The following SOS2 variants were observed in gnomAD, a reference collection of about 807,000 sequenced individuals.
The protein encoded by SOS2 is SOS Ras/Rho guanine nucleotide exchange factor 2.
A neutral mutation model predicts 148.2 loss-of-function variants in SOS2; 65 were observed. The ratio of observed to expected loss-of-function variants is 0.44; its 90% CI spans 0.36 to 0.54. The LOEUF (loss-of-function observed/expected upper bound fraction) is 0.54. Among genes scored for constraint, SOS2 ranks in the 20% least tolerant of loss-of-function variants. SOS2 has a pLI of 0.00. For missense variants in SOS2, 1,341 were observed against 1,590.2 expected, an observed-to-expected ratio of 0.84 and a Z score of 2.67; for synonymous variants, 539 against 537.1, an observed-to-expected ratio of 1.00 and a Z score of -0.05.
chr14:50,200,739 T>C (rs1330580037), intron 3 of SOS2, among the ~76,000 whole-genome samples: 1 of 152,132 alleles, frequency 6.6e-6, no homozygotes, highest in Non-Finnish European at 1.5e-5. Context: ...TATTAATAAT[T>C]TTTAATATTG....
Position 50,118,508 on chromosome 14 carries a change from A to G in SOS2, c.3835T>C (p.Ser1279Pro). ...RVPRRCYVLS[S>P]SQNNLAHPPA... ...GGATGAGCAAGATTATTCTGACTAGAACTGAGCACATAGCATCGACGCGGT... is the reference window on the plus strand; with the variant it reads ...GGATGAGCAAGATTATTCTGACTAGGACTGAGCACATAGCATCGACGCGGT... The change falls in exon 23 of 23, where the codon TCT (serine) becomes CCT (proline). Residue 1279 changes from serine (S) to proline (P), a missense_variant. Ser to Pro is a moderately conservative substitution (Grantham distance 74). Coordinates refer to ENST00000216373, the MANE Select transcript of SOS2 (RefSeq NM_006939.4). 3.1e-6 allele frequency: 5 copies of G among 1,614,142 alleles called. No individual in the cohort carries two copies. The highest frequency in any genetic ancestry group is 4.2e-6 in the Non-Finnish European group (5 of 1,180,024).
intron 9 of SOS2, 22 bp downstream of exon 9, chr14:50,161,460 G>A (rs780726396): frequency 1.1e-5 from 17 of 1,602,084 alleles, no homozygotes; most frequent in Middle Eastern, 1.7e-4. Flanking sequence ...AGGCATTCAC[G>A]TTTTCAACAC....
At chr14:50,153,202 G>A (rs1202315206) in intron 12 of SOS2, 29 bp from the exon 13 acceptor site, 2 of 1,327,716 alleles carry the variant, frequency 1.5e-6, no homozygotes. Context: ...ACACATTTTA[G>A]TGAAACATAA....
Position 50,159,615 on chromosome 14 carries a change from T to C in SOS2, c.1668A>G (p.Leu556=). The C allele has an allele frequency of 2.5e-6, 4 of 1,613,842 alleles. 1 individual carries two copies. The South Asian group carries it at 4.4e-5, about 18-fold the overall frequency. Reference sequence around the variant, plus strand: ...GTGGTTGCTCATTTTCTTCTTTCAATAATACTGAATCTAACATTCGATCTA... The same window carrying C: ...GTGGTTGCTCATTTTCTTCTTTCAACAATACTGAATCTAACATTCGATCTA... ...STLDRMLDSV[L]LKEENEQPLR... Residue 556 remains leucine (L), a synonymous_variant, in exon 10 of 23, where the codon TTA becomes TTG. Coordinates refer to ENST00000216373, the MANE Select transcript of SOS2 (RefSeq NM_006939.4).
intron 7 of SOS2, among the ~76,000 whole-genome samples, chr14:50,178,666 GTGTGCA>G (rs1885608525): frequency 2.9e-5 from 2 of 70,068 alleles, no homozygotes; most frequent in African/African-American, 1.8e-4. Context: ...GTGTGTGTGT[GTGTGCA>G]TATATATATA....
chr14:50,223,847 T>C (rs1386782223), intron 1 of SOS2, among the ~76,000 whole-genome samples: 3 of 151,404 alleles, frequency 2.0e-5, no homozygotes, highest in South Asian at 4.2e-4. Context: ...AGTGCGACCC[T>C]GTCTCAAAAA....
In SOS2 at chr14:50,132,354, TAAAAAAAAAA is replaced by T. The variant is rs886376742; in HGVS notation, c.3076-1602_3076-1593del. On this transcript the variant is annotated intron_variant, in intron 19 of 22. Transcript: ENST00000216373. ...CAATATAGCAAGACTCTATTGCCAT[TAAAAAAAAAA>T]AAAAAAAAAAAAAAGGCTGGGCATG... Among the ~76,000 whole-genome samples, 373 of 62,996 alleles carry T rather than the reference TAAAAAAAAAA, an allele frequency of 5.9e-3. 1 individual carries two copies. Among genetic ancestry groups the T allele is most frequent in the Admixed American group, 7.3e-3 (35 of 4,820 alleles). The allele number at this position is 62,996 out of a possible 152,430, so 41.3% of individuals were successfully genotyped here.
intron 17 of SOS2, among the ~76,000 whole-genome samples, chr14:50,139,516 C>A (rs1014792196): frequency 2.6e-5 from 4 of 152,126 alleles, no homozygotes; most frequent in Non-Finnish European, 4.4e-5. Context: ...CCCAAAATAC[C>A]AAAATTGTTG....
chr14:50,147,388 T>G (rs918964410), intron 14 of SOS2, among the ~76,000 whole-genome samples: 3 of 151,772 alleles, frequency 2.0e-5, no homozygotes, highest in Non-Finnish European at 2.9e-5. Flanking sequence ...GGTGCGTGCC[T>G]GTAGTTCTAG....
chr14:50,149,536 GAA>G (rs1238527857), intron 14 of SOS2, among the ~76,000 whole-genome samples: 6 of 152,136 alleles, frequency 3.9e-5, no homozygotes, highest in Non-Finnish European at 7.3e-5. Context: ...GGTTGGTGTA[GAA>G]AAAGTTTTTG....
intron 1 of SOS2, among the ~76,000 whole-genome samples, chr14:50,221,302 T>C (rs1326739896): frequency 2.6e-5 from 4 of 152,212 alleles, no homozygotes; most frequent in South Asian, 4.1e-4. Flanking sequence ...CATTCACTTA[T>C]GTTTAATAAA....
intron 21 of SOS2, among the ~76,000 whole-genome samples, chr14:50,126,673 T>TCCTC (rs1594956177): frequency 6.6e-6 from 1 of 151,046 alleles, no homozygotes; most frequent in East Asian, 1.9e-4. Flanking sequence ...AAAGATAAAG[T>TCCTC]GAGGAAATCT....
At chr14:50,173,925 T>C (rs558009933) in intron 8 of SOS2, among the ~76,000 whole-genome samples, 50 of 152,284 alleles carry the variant, frequency 3.3e-4, no homozygotes, top group African/African-American at 1.2e-3. Context: ...TGCCCTCTAA[T>C]ATTGGCCAAC....
At chr14:50,149,587 C>A (rs996203710) in intron 14 of SOS2, among the ~76,000 whole-genome samples, 9 of 152,176 alleles carry the variant, frequency 5.9e-5, no homozygotes, top group Non-Finnish European at 1.3e-4. Flanking sequence ...CGACAGAGAG[C>A]TGTTACATGC....
At chr14:50,219,697 T>C (rs975277793) in intron 1 of SOS2, among the ~76,000 whole-genome samples, 3 of 152,206 alleles carry the variant, frequency 2.0e-5, no homozygotes. Flanking sequence ...ATACTTTATA[T>C]CAATTACATC....
intron 8 of SOS2, among the ~76,000 whole-genome samples, chr14:50,164,082 A>T (rs1030519298): frequency 1.3e-5 from 2 of 152,200 alleles, no homozygotes; most frequent in African/African-American, 4.8e-5. Flanking sequence ...GATAAACATC[A>T]TATTAATGAA....
At chr14:50,192,863 C>G (rs1379894426) in intron 4 of SOS2, among the ~76,000 whole-genome samples, 1 of 145,704 alleles carries the variant, frequency 6.9e-6, no homozygotes, top group East Asian at 1.9e-4. Flanking sequence ...GAGTCTGTCT[C>G]AGAAGGAAAA....
intron 7 of SOS2, among the ~76,000 whole-genome samples, chr14:50,175,714 T>G (rs1275292825): frequency 2.0e-5 from 3 of 152,098 alleles, no homozygotes; most frequent in Admixed American, 2.0e-4. Context: ...TATAATGGAT[T>G]TAACTCATGT....
intron 1 of SOS2, among the ~76,000 whole-genome samples, chr14:50,229,102 C>T (rs1595043081): frequency 6.6e-6 from 1 of 152,116 alleles, no homozygotes; most frequent in South Asian, 2.1e-4. Flanking sequence ...TTAAAACTTC[C>T]TGCAAAGAAA....
Sources: gnomAD v4.1 joint callset for allele counts (sites outside exome capture counted in the v4.1 genomes callset) on GRCh38, gnomAD v4.1.1 for gene constraint, MANE v1.5 for transcripts, NCBI Gene and HGNC (gene_info 2026-07-23, HGNC 2026-07-21) for gene names.